POMT2: variants seen among roughly 807,000 people sequenced by gnomAD.
The protein encoded by POMT2 is protein O-mannosyltransferase 2.
Under a neutral mutation model 100.0 loss-of-function variants are expected in POMT2, and 75 were observed. The ratio of observed to expected loss-of-function variants is 0.75; its 90% CI spans 0.62 to 0.91. The LOEUF (loss-of-function observed/expected upper bound fraction) is 0.91. Among genes scored for constraint, POMT2 ranks in the 40% least tolerant of loss-of-function variants. The pLI is 0.00. For missense variants in POMT2, 940 were observed against 955.1 expected, an observed-to-expected ratio of 0.98 and a Z score of 0.21; for synonymous variants, 378 against 374.1, an observed-to-expected ratio of 1.01 and a Z score of -0.12.
chr14:77,306,290 T>C (rs1250399782), intron 3 of POMT2, 47 bp downstream of exon 3: 6 of 1,606,300 alleles, frequency 3.7e-6, no homozygotes, highest in Non-Finnish European at 4.3e-6. Flanking sequence ...TCTGGTTTAG[T>C]GTGGCCCCAG....
intron 10 of POMT2, among the ~76,000 whole-genome samples, chr14:77,289,960 G>C (rs1449409981): frequency 6.6e-6 from 1 of 152,178 alleles, no homozygotes; most frequent in African/African-American, 2.4e-5. Flanking sequence ...GCTCTCAAGA[G>C]AATCAGAGAA....
rs57755259 is a variant in POMT2 at position 77,307,858 on chromosome 14, CTTTT to C, written c.334-1421_334-1418del. On this transcript the variant is annotated intron_variant, in intron 2 of 20. Transcript: ENST00000261534. The stretch of plus-strand genomic sequence containing the variant: ...AAAAGTAGCCCCAAGTTAATTTCTT[CTTTT>C]TTTTTTTTTTTTTTTTTTGAGACAG... Among the ~76,000 whole-genome samples the C allele has an allele frequency of 3.0e-5, 3 of 101,228 alleles. No homozygotes were observed. The Admixed American group carries it at 3.2e-4, about 11-fold the overall frequency. 66.4% of individuals were successfully genotyped at this position (101,228 alleles called of 152,430 possible). A position where few individuals can be genotyped will look rare whatever the true frequency, so the allele number is the denominator to read the frequency against.
At chr14:77,311,298 A>T (rs569746084) in intron 2 of POMT2, among the ~76,000 whole-genome samples, 2 of 152,252 alleles carry the variant, frequency 1.3e-5, no homozygotes, top group African/African-American at 4.8e-5. Context: ...TTTCTGCTTC[A>T]TGCAATGTAT....
At chr14:77,307,262 G>A (rs1594800883) in intron 2 of POMT2, among the ~76,000 whole-genome samples, 1 of 152,234 alleles carries the variant, frequency 6.6e-6, no homozygotes, top group African/African-American at 2.4e-5. Flanking sequence ...GCTCTGGCAG[G>A]CTGTGTTGGG....
chr14:77,315,953 G>C (rs139835147), intron 1 of POMT2, among the ~76,000 whole-genome samples: 2,362 of 152,340 alleles, frequency 0.016, 35 homozygotes, highest in Middle Eastern at 0.041. Flanking sequence ...AGAGGTTGCA[G>C]TGAGCTGAAA....
At chr14:77,295,891 T>C (rs1446840271) in intron 9 of POMT2, among the ~76,000 whole-genome samples, 1 of 151,838 alleles carries the variant, frequency 6.6e-6, no homozygotes, top group Non-Finnish European at 1.5e-5. Flanking sequence ...ATGAGAAGGT[T>C]TACCACGTAG....
chr14:77,297,301 G>A (rs768567477), intron 8 of POMT2, among the ~76,000 whole-genome samples: 1 of 152,082 alleles, frequency 6.6e-6, no homozygotes, highest in Non-Finnish European at 1.5e-5. Flanking sequence ...CTGCTCCTCC[G>A]CAGTCTCCTC....
intron 2 of POMT2, among the ~76,000 whole-genome samples, chr14:77,309,677 A>G (rs1218301879): frequency 1.6e-4 from 25 of 151,796 alleles, no homozygotes; most frequent in Admixed American, 1.6e-3. Flanking sequence ...TAATATTATT[A>G]TATTTATTTA....
At position 77,307,808 on chromosome 14, in the gene POMT2, A is replaced by G. The variant is rs550867551; in HGVS notation, c.334-1367T>C. On this transcript the variant is annotated intron_variant, in intron 2 of 20. Coordinates refer to ENST00000261534, the MANE Select transcript of POMT2 (RefSeq NM_013382.7). ...GCACTTGGAAGACACTCAAAATTCA[A>G]TTCTCTCTCAGTTCCCTTAAGGTTA... Among the ~76,000 whole-genome samples the G allele has an allele frequency of 3.0e-3, 453 of 151,086 alleles. 3 individuals are homozygous for G. The highest frequency in any genetic ancestry group is 0.011 in the African/African-American group (437 of 41,072).
At chr14:77,283,098 T>C (rs1048091187) in intron 15 of POMT2, among the ~76,000 whole-genome samples, 2 of 152,240 alleles carry the variant, frequency 1.3e-5, no homozygotes, top group African/African-American at 4.8e-5. Context: ...CTACTAATGA[T>C]AGAGAGTGCA....
chr14:77,306,516 A>T, intron 2 of POMT2, 75 bp from the exon 3 acceptor site: 1 of 1,545,270 alleles, frequency 6.5e-7, no homozygotes, highest in Non-Finnish European at 8.9e-7. Flanking sequence ...ACTTCCCTCC[A>T]GCTGCACCCA....
Position 77,296,375 on chromosome 14 carries a change from C to T in POMT2, c.1007-102G>A, listed in dbSNP as rs1365735901. The T allele has an allele frequency of 5.1e-5, 40 of 785,164 alleles. No homozygotes were observed. The East Asian group carries it at 5.4e-4, about 11-fold the overall frequency. The allele number at this position is 785,164 out of a possible 1,614,324, so 48.6% of individuals were successfully genotyped here. On this transcript the variant is annotated intron_variant, in intron 8 of 20. Coordinates refer to ENST00000261534, the MANE Select transcript of POMT2 (RefSeq NM_013382.7). The stretch of plus-strand genomic sequence containing the variant: ...AGCCACAGGGCTCACTAACCCTCTG[C>T]GAGACTCCCCTGGGCCCTGGACTGA...
intron 11 of POMT2, chr14:77,287,472 C>A (rs1282558298): frequency 6.6e-6 from 1 of 150,868 alleles, no homozygotes; most frequent in Non-Finnish European, 1.5e-5. Context: ...CAAAATCCAG[C>A]TGACTCAAAA....
Position 77,320,484 on chromosome 14 carries a change from C to A in POMT2, c.198G>T (p.Leu66=). The A allele has an allele frequency of 6.5e-7, 1 of 1,545,602 alleles. No homozygotes were observed. Among genetic ancestry groups the A allele is most frequent in the South Asian group, 1.2e-5 (1 of 84,330 alleles). Residue 66 remains leucine (L), a synonymous_variant, in exon 1 of 21, where the codon CTG becomes CTT. Coordinates refer to ENST00000261534, the MANE Select transcript of POMT2 (RefSeq NM_013382.7). ...GWWALLALVT[L]LSFATRFHRL... is the part of the protein sequence containing the mutation. ...GGTGGAAGCGGGTGGCGAAGGACAG[C>A]AGCGTCACCAAGGCCAGCAGGGCCC...
intron 10 of POMT2, among the ~76,000 whole-genome samples, chr14:77,290,553 T>C (rs1295745907): frequency 6.6e-6 from 1 of 152,144 alleles, no homozygotes; most frequent in African/African-American, 2.4e-5. Flanking sequence ...GTCACAGAGA[T>C]ACCTGTGGCA....
chr14:77,320,674 G>C lies in POMT2; in HGVS notation c.8C>G (p.Pro3Arg). The C allele has an allele frequency of 6.3e-7, 1 of 1,593,378 alleles. No individual in the cohort carries two copies. The highest frequency in any genetic ancestry group is 1.1e-5 in the South Asian group (1 of 90,692). Residue 3 changes from proline to arginine, a missense_variant, in exon 1 of 21, where the codon CCG (proline) becomes CGG (arginine). By Grantham distance (103) the Pro-to-Arg change is moderately radical. Coordinates refer to ENST00000261534, the MANE Select transcript of POMT2 (RefSeq NM_013382.7). The stretch of plus-strand genomic sequence containing the variant: ...CTCTGCCAGGCCTCCGCCCGTGGCC[G>C]GCGGCATCTTCCCCCTCCTCTGGGT... MP[P>R]ATGGGLAESE...
intron 15 of POMT2, among the ~76,000 whole-genome samples, chr14:77,281,578 G>A (rs1434438200): frequency 2.6e-5 from 4 of 152,186 alleles, no homozygotes; most frequent in Non-Finnish European, 5.9e-5. Context: ...CACTAGGACT[G>A]GGTTCTGCCT....
chr14:77,294,577 G>C (rs73311311), intron 9 of POMT2, among the ~76,000 whole-genome samples: 16,952 of 152,208 alleles, frequency 0.11, 1,928 homozygotes, highest in African/African-American at 0.29. Context: ...GCCCACCTCG[G>C]CATAAGCCAC....
Position 77,283,787 on chromosome 14 carries a change from G to A in POMT2, c.1653+10C>T. 1.3e-6 allele frequency: 2 copies of A among 1,594,576 alleles called. No homozygotes were observed. Among genetic ancestry groups the A allele is most frequent in the South Asian group, 2.2e-5 (2 of 90,648 alleles). ...TTAGAGACGCCATGAAATGAGAAGG[G>A]GACACATACCCGGATCATGACCATG... is the stretch of plus-strand genomic sequence containing the variant. On this transcript the variant is annotated intron_variant, in intron 15 of 20. Transcript: ENST00000261534.
Sources: gnomAD v4.1 joint callset for allele counts (sites outside exome capture counted in the v4.1 genomes callset) on GRCh38, gnomAD v4.1.1 for gene constraint, MANE v1.5 for transcripts, NCBI Gene and HGNC (gene_info 2026-07-23, HGNC 2026-07-21) for gene names.